Variants in TLL1 observed in about 807,000 individuals in gnomAD.
TLL1 encodes the protein tolloid-like protein 1.
Under a neutral mutation model 128.2 loss-of-function variants are expected in TLL1, and 49 were observed. The ratio of observed to expected loss-of-function variants is 0.38; its 90% CI spans 0.30 to 0.48. The LOEUF is 0.48. Among genes scored for constraint, TLL1 ranks in the 20% least tolerant of loss-of-function variants. The pLI, the probability that TLL1 is intolerant of heterozygous loss-of-function variation, is 0.96. For synonymous variants in TLL1, 454 were observed against 418.8 expected (o/e 1.08, Z -1.03); for missense variants, 1,123 against 1,242.0 (o/e 0.90, Z 1.44).
At chr4:165,905,761 T>G (rs564528687) in intron 1 of TLL1, among the ~76,000 whole-genome samples, 1 of 152,214 alleles carries the variant, frequency 6.6e-6, no homozygotes, top group Admixed American at 6.5e-5. Context: ...ATGTTGGAAC[T>G]GGTTAGGATT....
At chr4:165,921,892 A>C (rs1294607264) in intron 1 of TLL1, among the ~76,000 whole-genome samples, 2 of 152,240 alleles carry the variant, frequency 1.3e-5, no homozygotes, top group Non-Finnish European at 2.9e-5. Flanking sequence ...CTCAGAGCAG[A>C]AACGTAGAAA....
At chr4:166,034,907 T>C (rs1295844554) in intron 9 of TLL1, among the ~76,000 whole-genome samples, 1 of 152,158 alleles carries the variant, frequency 6.6e-6, no homozygotes, top group Non-Finnish European at 1.5e-5. Flanking sequence ...CATTCTCTGC[T>C]TCTTCTTGCA....
chr4:165,878,625 T>C (rs1730826737), intron 1 of TLL1, among the ~76,000 whole-genome samples: 1 of 152,214 alleles, frequency 6.6e-6, no homozygotes, highest in African/African-American at 2.4e-5. Context: ...TCAAAAGCTC[T>C]TCTTTTCTTT....
chr4:166,058,045 A>T lies in TLL1; in HGVS notation c.1846+736A>T, dbSNP rs535691502. On this transcript the variant is annotated intron_variant, in intron 14 of 20. Transcript: ENST00000061240. ...TTTATATCCATCCCTCCTTTCATCC[A>T]TCCATCCATTCACCAGGCCACTGTG... 1.2e-3 allele frequency among the ~76,000 whole-genome samples: 177 copies of T among 152,170 alleles called. 1 individual carries two copies. The highest frequency in any genetic ancestry group is 4.1e-3 in the African/African-American group (170 of 41,530).
intron 9 of TLL1, among the ~76,000 whole-genome samples, chr4:166,027,092 A>C (rs980202284): frequency 7.2e-5 from 11 of 152,224 alleles, no homozygotes; most frequent in Admixed American, 2.6e-4. Flanking sequence ...TTGTAGCAAC[A>C]TAGATGGAGC....
At chr4:165,923,450 A>G (rs1733134912) in intron 1 of TLL1, among the ~76,000 whole-genome samples, 1 of 35,752 alleles carries the variant, frequency 2.8e-5, no homozygotes, top group Non-Finnish European at 4.8e-5. Flanking sequence ...TTTTTTTGAG[A>G]CAGAGTCTTG....
At chr4:165,897,002 T>A (rs1400884552) in intron 1 of TLL1, among the ~76,000 whole-genome samples, 1 of 152,206 alleles carries the variant, frequency 6.6e-6, no homozygotes, top group Non-Finnish European at 1.5e-5. Flanking sequence ...TAATGACCAG[T>A]GATGATGAGC....
intron 1 of TLL1, among the ~76,000 whole-genome samples, chr4:165,981,802 GT>G (rs1307497360): frequency 6.6e-6 from 1 of 151,972 alleles, no homozygotes; most frequent in Non-Finnish European, 1.5e-5. Flanking sequence ...TTTAGTAAAT[GT>G]TTTCTTTGCA....
chr4:165,944,433 G>T (rs7691872), intron 1 of TLL1, among the ~76,000 whole-genome samples: 17,060 of 152,104 alleles, frequency 0.11, 2,534 homozygotes, highest in African/African-American at 0.35. Context: ...TGTGTTCCTG[G>T]ACCTGAAGGA....
At chr4:165,963,462 T>G (rs1048236752) in intron 1 of TLL1, among the ~76,000 whole-genome samples, 2 of 151,810 alleles carry the variant, frequency 1.3e-5, no homozygotes, top group African/African-American at 4.9e-5. Context: ...TTTCAGTACT[T>G]TATGCTTTTC....
Position 166,102,010 on chromosome 4 carries a change from C to G in TLL1, c.*1134C>G, listed in dbSNP as rs1326226651. ...ACTTTTTTTCAAACAAGTTTTTGAC[C>G]TTTGAGCCAACCCACCCGTAGACTA... On this transcript the variant is annotated 3_prime_UTR_variant, in exon 21 of 21. Transcript: ENST00000061240. The G allele has an allele frequency of 6.6e-6, 1 of 152,250 alleles. No homozygotes were observed. The highest frequency in any genetic ancestry group is 1.5e-5 in the Non-Finnish European group (1 of 67,924). 9.4% of individuals were successfully genotyped at this position (152,250 alleles called of 1,614,324 possible).
chr4:165,894,571 G>A (rs1184742827), intron 1 of TLL1, among the ~76,000 whole-genome samples: 1 of 152,128 alleles, frequency 6.6e-6, no homozygotes, highest in Middle Eastern at 3.2e-3. Flanking sequence ...TATGAGAAAT[G>A]TTAAAAGAAT....
chr4:165,916,911 G>T (rs774198537), intron 1 of TLL1, among the ~76,000 whole-genome samples: 1 of 152,086 alleles, frequency 6.6e-6, no homozygotes, highest in Non-Finnish European at 1.5e-5. Flanking sequence ...AAGGCATTTT[G>T]CAGGATTATT....
chr4:166,064,734 A>G (rs1169026663), intron 15 of TLL1, among the ~76,000 whole-genome samples: 7 of 152,114 alleles, frequency 4.6e-5, no homozygotes, highest in South Asian at 2.1e-4. Context: ...CTTTTATACT[A>G]TATTGGAACT....
At chr4:165,977,917 TG>T in intron 1 of TLL1, among the ~76,000 whole-genome samples, 1 of 152,184 alleles carries the variant, frequency 6.6e-6, no homozygotes, top group East Asian at 1.9e-4. Flanking sequence ...GCAAAATAGA[TG>T]AGTTGATTTC....
At chr4:165,957,031 A>G (rs1734835957) in intron 1 of TLL1, among the ~76,000 whole-genome samples, 1 of 152,080 alleles carries the variant, frequency 6.6e-6, no homozygotes. Context: ...TAAACAATCT[A>G]AACACCCCAC....
At chr4:165,910,494 C>CT (rs1202147739) in intron 1 of TLL1, among the ~76,000 whole-genome samples, 1 of 152,106 alleles carries the variant, frequency 6.6e-6, no homozygotes, top group East Asian at 1.9e-4. Flanking sequence ...ATTTCTTCTG[C>CT]TATAAAATTA....
intron 1 of TLL1, among the ~76,000 whole-genome samples, chr4:165,960,746 A>G (rs1735057653): frequency 6.6e-6 from 1 of 152,172 alleles, no homozygotes; most frequent in African/African-American, 2.4e-5. Flanking sequence ...AAAGCTTTTG[A>G]TATAATCCCG....
chr4:166,078,551 C>T (rs1191057649), intron 18 of TLL1, among the ~76,000 whole-genome samples: 1 of 152,088 alleles, frequency 6.6e-6, no homozygotes, highest in African/African-American at 2.4e-5. Context: ...AGATTTTGCC[C>T]ACATTTTATT....
Sources: allele counts gnomAD v4.1 joint callset (sites outside exome capture counted in the v4.1 genomes callset), GRCh38; gene constraint gnomAD v4.1.1; transcripts MANE v1.5; gene names NCBI Gene and HGNC (gene_info 2026-07-23, HGNC 2026-07-21).